PRKG1: variants seen among roughly 807,000 people sequenced by gnomAD.
PRKG1 encodes protein kinase cGMP-dependent 1, also known as cGMP-dependent protein kinase 1.
Under a neutral mutation model 88.1 loss-of-function variants are expected in PRKG1, and 35 were observed. The observed-to-expected ratio is 0.40, with a 90% CI of 0.30 to 0.53. The LOEUF (loss-of-function observed/expected upper bound fraction) is 0.53. PRKG1 is among the 20% of genes least tolerant of loss of function. The pLI is 0.59. For missense variants in PRKG1, 540 were observed against 839.8 expected, an observed-to-expected ratio of 0.64 and a Z score of 4.41; for synonymous variants, 303 against 292.5, an observed-to-expected ratio of 1.04 and a Z score of -0.37.
intron 3 of PRKG1, among the ~76,000 whole-genome samples, chr10:51,700,483 T>C (rs546587809): frequency 1.4e-4 from 21 of 152,346 alleles, no homozygotes; most frequent in Admixed American, 3.3e-4. Flanking sequence ...ATGCAGTGAG[T>C]CCACCACTTC....
At position 51,944,468 on chromosome 10, in the gene PRKG1, G is replaced by T. The variant is rs547102013; in HGVS notation, c.762+36898G>T. On this transcript the variant is annotated intron_variant, in intron 5 of 17. Coordinates refer to ENST00000373980, the MANE Select transcript of PRKG1 (RefSeq NM_006258.4). ...TCTCTATTTCCTTCAGTTCTGCTCT[G>T]ATTTTAGTTATTTCTTGCCTTCTGC... Among the ~76,000 whole-genome samples the T allele has an allele frequency of 2.0e-5, 3 of 152,060 alleles. No homozygotes were observed. In the South Asian group the frequency reaches 6.2e-4, roughly 32 times the overall value.
intron 2 of PRKG1, among the ~76,000 whole-genome samples, chr10:51,280,684 A>G (rs904436511): frequency 1.3e-5 from 2 of 152,116 alleles, no homozygotes; most frequent in Admixed American, 6.6e-5. Context: ...GCATTCGTCA[A>G]GTAGTTCTTG....
At chr10:51,379,481 G>T (rs1842877965) in intron 2 of PRKG1, among the ~76,000 whole-genome samples, 1 of 152,136 alleles carries the variant, frequency 6.6e-6, no homozygotes, top group African/African-American at 2.4e-5. Flanking sequence ...TTAATAAAAT[G>T]AACATCTTTC....
chr10:51,972,031 T>A (rs1843724910), intron 5 of PRKG1, among the ~76,000 whole-genome samples: 1 of 152,112 alleles, frequency 6.6e-6, no homozygotes, highest in Admixed American at 6.6e-5. Flanking sequence ...AGCTTTCTGT[T>A]TCCTGTCTTA....
chr10:51,340,262 C>T (rs1020483745), intron 2 of PRKG1, among the ~76,000 whole-genome samples: 2 of 152,108 alleles, frequency 1.3e-5, no homozygotes, highest in Non-Finnish European at 2.9e-5. Flanking sequence ...ATAGCTTGAA[C>T]TGCTATTCTA....
At chr10:51,489,777 A>C (rs1340424044) in intron 3 of PRKG1, among the ~76,000 whole-genome samples, 1 of 152,054 alleles carries the variant, frequency 6.6e-6, no homozygotes, top group Non-Finnish European at 1.5e-5. Context: ...GATGATGCTT[A>C]ATAGGCTGTT....
At chr10:52,279,626 A>C (rs1469688604) in intron 12 of PRKG1, among the ~76,000 whole-genome samples, 2 of 152,068 alleles carry the variant, frequency 1.3e-5, no homozygotes, top group Non-Finnish European at 2.9e-5. Context: ...TCCACTGCCC[A>C]GTTTGTTAAA....
At chr10:51,245,795 G>A (rs139872519) in intron 2 of PRKG1, 1 of 152,206 alleles carries the variant, frequency 6.6e-6, no homozygotes, top group East Asian at 1.9e-4. Flanking sequence ...TGGAATTTGA[G>A]AAGGCTTCAT....
chr10:52,166,859 A>ATGTATATATATG (rs1838484649), intron 9 of PRKG1, among the ~76,000 whole-genome samples: 1 of 96,954 alleles, frequency 1.0e-5, no homozygotes, highest in Non-Finnish European at 2.1e-5. Flanking sequence ...GTCTATATAT[A>ATGTATATATATG]TATCTGTATA....
chr10:52,087,736 A>C (rs1299380363), intron 7 of PRKG1, among the ~76,000 whole-genome samples: 1 of 152,198 alleles, frequency 6.6e-6, no homozygotes, highest in Non-Finnish European at 1.5e-5. Context: ...CCAAGAACAG[A>C]GTGAATTTGG....
chr10:51,285,280 A>G (rs1653082794), intron 2 of PRKG1, among the ~76,000 whole-genome samples: 1 of 152,030 alleles, frequency 6.6e-6, no homozygotes. Context: ...CTTTCAATAA[A>G]TGTTTTCCCT....
At chr10:51,532,862 C>A (rs1292373252) in intron 3 of PRKG1, among the ~76,000 whole-genome samples, 1 of 152,202 alleles carries the variant, frequency 6.6e-6, no homozygotes, top group East Asian at 1.9e-4. Flanking sequence ...TTTCCCCTCT[C>A]CCCTTCTCCC....
chr10:51,252,559 C>CT (rs1564656266), intron 2 of PRKG1, among the ~76,000 whole-genome samples: 1 of 151,478 alleles, frequency 6.6e-6, no homozygotes, highest in African/African-American at 2.4e-5. Context: ...AAGTTCTGTT[C>CT]TTTTTTTCAT....
chr10:52,065,800 GATT>G (rs1846341717), intron 7 of PRKG1, among the ~76,000 whole-genome samples: 1 of 152,036 alleles, frequency 6.6e-6, no homozygotes, highest in South Asian at 2.1e-4. Flanking sequence ...GCTTTCCTTT[GATT>G]ATTAAATGTG....
Position 52,264,025 on chromosome 10 carries a change from T to C in PRKG1, c.1174-7325T>C, listed in dbSNP as rs1841501748. The stretch of plus-strand genomic sequence containing the variant: ...TTATTTAATGTATAGTAACTTCATG[T>C]CTTTTTTCCTGTTGAATTTTAGGGC... On this transcript the variant is annotated intron_variant, in intron 10 of 17. Coordinates refer to ENST00000373980, the MANE Select transcript of PRKG1 (RefSeq NM_006258.4). 2.0e-5 allele frequency among the ~76,000 whole-genome samples: 3 copies of C among 152,266 alleles called. No homozygotes were observed. The East Asian group carries it at 5.8e-4, about 29-fold the overall frequency.
At chr10:51,701,523 G>C (rs539471074) in intron 3 of PRKG1, among the ~76,000 whole-genome samples, 2 of 152,270 alleles carry the variant, frequency 1.3e-5, no homozygotes, top group Non-Finnish European at 2.9e-5. Flanking sequence ...AAACGGAATA[G>C]TCACCTGCTA....
chr10:51,824,615 C>T (rs966517553), intron 4 of PRKG1, among the ~76,000 whole-genome samples: 1 of 152,162 alleles, frequency 6.6e-6, no homozygotes, highest in African/African-American at 2.4e-5. Context: ...CATGGTTCTA[C>T]AGGCTGTATG....
chr10:51,610,798 G>T (rs567452005), intron 3 of PRKG1, among the ~76,000 whole-genome samples: 1 of 152,180 alleles, frequency 6.6e-6, no homozygotes, highest in South Asian at 2.1e-4. Context: ...GGAACAGAAA[G>T]CTAAACACTG....
At chr10:51,779,021 G>A (rs1278341698) in intron 3 of PRKG1, among the ~76,000 whole-genome samples, 5 of 152,106 alleles carry the variant, frequency 3.3e-5, no homozygotes, top group African/African-American at 1.2e-4. Context: ...GAATGAAGAT[G>A]GAGAAACAGA....
Sources: allele counts gnomAD v4.1 joint callset (sites outside exome capture counted in the v4.1 genomes callset), GRCh38; gene constraint gnomAD v4.1.1; transcripts MANE v1.5; gene names NCBI Gene and HGNC (gene_info 2026-07-23, HGNC 2026-07-21).